Variants in KIAA1328 observed in about 807,000 individuals in gnomAD.
KIAA1328 encodes protein hinderin.
In KIAA1328, 52 loss-of-function variants were observed where a neutral mutation model predicts 68.1. The ratio of observed to expected loss-of-function variants is 0.76; its 90% CI spans 0.61 to 0.96. The LOEUF (loss-of-function observed/expected upper bound fraction) is 0.96. Ranked by LOEUF, KIAA1328 falls within the 40% of genes least tolerant of loss-of-function variation. KIAA1328 has a pLI of 0.00. For missense variants in KIAA1328, 641 were observed against 677.6 expected (o/e 0.95, Z 0.60); for synonymous variants, 232 against 239.4 (o/e 0.97, Z 0.28).
chr18:36,985,913 TATATAC>T (rs1317981183), intron 6 of KIAA1328, among the ~76,000 whole-genome samples: 2 of 152,160 alleles, frequency 1.3e-5, no homozygotes, highest in Non-Finnish European at 2.9e-5. Context: ...AAACCACAAT[TATATAC>T]TATTACATAG....
chr18:36,940,207 G>A (rs949993287), intron 5 of KIAA1328, among the ~76,000 whole-genome samples: 3 of 152,186 alleles, frequency 2.0e-5, no homozygotes, highest in Non-Finnish European at 4.4e-5. Context: ...TAGTGGTTTA[G>A]ACAGTGCTTG....
At chr18:36,829,225 C>G (rs1245101489) in intron 1 of KIAA1328, 29 bp downstream of exon 1, 1 of 1,495,636 alleles carries the variant, frequency 6.7e-7, no homozygotes, top group Admixed American at 2.2e-5. Flanking sequence ...ACAGGGGGCG[C>G]CGGCGCCCTC....
intron 7 of KIAA1328, among the ~76,000 whole-genome samples, chr18:37,099,904 C>CT (rs1568404115): frequency 6.6e-6 from 1 of 152,068 alleles, no homozygotes; most frequent in South Asian, 2.1e-4. Context: ...CAACCCCTGC[C>CT]TTTTTTTGTT....
chr18:36,997,917 TG>T (rs2053452528), intron 6 of KIAA1328, among the ~76,000 whole-genome samples: 1 of 152,136 alleles, frequency 6.6e-6, no homozygotes, highest in African/African-American at 2.4e-5. Flanking sequence ...CAACCAGGAC[TG>T]GGGTATGAGA....
intron 3 of KIAA1328, among the ~76,000 whole-genome samples, chr18:36,839,603 C>T (rs2046792476): frequency 6.6e-6 from 1 of 152,086 alleles, no homozygotes; most frequent in African/African-American, 2.4e-5. Flanking sequence ...GCTTCTTTGC[C>T]TGCTTGGTTG....
At chr18:37,104,976 G>A (rs930342277) in intron 7 of KIAA1328, among the ~76,000 whole-genome samples, 2 of 151,966 alleles carry the variant, frequency 1.3e-5, no homozygotes, top group Admixed American at 1.3e-4. Context: ...ACTCTTTTCC[G>A]GTTATCTCCC....
chr18:37,215,647 A>G (rs564608445), intron 9 of KIAA1328, among the ~76,000 whole-genome samples: 69 of 152,276 alleles, frequency 4.5e-4, no homozygotes, highest in African/African-American at 1.6e-3. Flanking sequence ...TGGTATCAGG[A>G]TGATGCTGGC....
intron 5 of KIAA1328, among the ~76,000 whole-genome samples, chr18:36,891,469 C>T (rs906125428): frequency 2.0e-5 from 3 of 152,142 alleles, no homozygotes; most frequent in African/African-American, 7.2e-5. Flanking sequence ...ACTCTTCCCC[C>T]CTCTGCTGAG....
At chr18:37,131,039 A>G (rs2058509846) in intron 7 of KIAA1328, among the ~76,000 whole-genome samples, 1 of 152,222 alleles carries the variant, frequency 6.6e-6, no homozygotes, top group African/African-American at 2.4e-5. Flanking sequence ...TCTTTAAAAT[A>G]ATAGATTAAA....
At chr18:36,952,882 C>T (rs182232125) in intron 5 of KIAA1328, among the ~76,000 whole-genome samples, 64 of 152,004 alleles carry the variant, frequency 4.2e-4, no homozygotes, top group African/African-American at 1.5e-3. Flanking sequence ...GGAGGCTGAC[C>T]TGATGCTCAA....
At position 36,959,202 on chromosome 18, in the gene KIAA1328, G is replaced by A. The variant is rs4603640; in HGVS notation, c.449-106G>A. On this transcript the variant is annotated intron_variant, in intron 5 of 9. Transcript: ENST00000280020. ...TATACTTATGACTCTCGCCAAATAT[G>A]ATTGCATTTCTGGTTCTGTTTTGTT... 5.0e-3 allele frequency: 5,278 copies of A among 1,057,564 alleles called. 190 individuals are homozygous for A. In the African/African-American group the frequency reaches 0.08, roughly 16 times the overall value. 65.5% of individuals were successfully genotyped at this position (1,057,564 alleles called of 1,614,324 possible).
chr18:37,154,053 C>T (rs1030809846), intron 7 of KIAA1328, among the ~76,000 whole-genome samples: 2 of 152,080 alleles, frequency 1.3e-5, no homozygotes, highest in Non-Finnish European at 2.9e-5. Context: ...CTAGGAAATG[C>T]ACTCTTTTCA....
intron 4 of KIAA1328, among the ~76,000 whole-genome samples, chr18:36,867,022 A>G (rs1428551150): frequency 2.0e-5 from 3 of 152,198 alleles, no homozygotes; most frequent in Non-Finnish European, 4.4e-5. Flanking sequence ...TCAGCTCTCA[A>G]CACAACATAT....
intron 5 of KIAA1328, among the ~76,000 whole-genome samples, chr18:36,924,383 A>T (rs981886837): frequency 5.3e-5 from 8 of 152,078 alleles, no homozygotes; most frequent in Non-Finnish European, 1.2e-4. Flanking sequence ...ATAAGGAAGG[A>T]GACATTTGAA....
chr18:37,132,381 CCT>C (rs2058544012), intron 7 of KIAA1328, among the ~76,000 whole-genome samples: 1 of 152,200 alleles, frequency 6.6e-6, no homozygotes, highest in African/African-American at 2.4e-5. Flanking sequence ...GACAAGGAAT[CCT>C]CTTGCTGGTT....
intron 6 of KIAA1328, among the ~76,000 whole-genome samples, chr18:36,977,626 G>A (rs1318181367): frequency 1.3e-5 from 2 of 151,724 alleles, no homozygotes; most frequent in East Asian, 3.9e-4. Flanking sequence ...CCACCCTAAC[G>A]TCATTTTTTT....
chr18:37,182,776 G>A (rs2059722206), intron 9 of KIAA1328, among the ~76,000 whole-genome samples: 1 of 152,130 alleles, frequency 6.6e-6, no homozygotes, highest in South Asian at 2.1e-4. Context: ...GTGAAAATAT[G>A]AATATTAATA....
chr18:36,989,969 A>G (rs1012430885), intron 6 of KIAA1328, among the ~76,000 whole-genome samples: 1 of 152,182 alleles, frequency 6.6e-6, no homozygotes, highest in Non-Finnish European at 1.5e-5. Context: ...CTGGGAGTAC[A>G]GGTGTGAGCC....
intron 5 of KIAA1328, among the ~76,000 whole-genome samples, chr18:36,907,432 T>C (rs1034620237): frequency 3.3e-5 from 5 of 152,148 alleles, no homozygotes; most frequent in Non-Finnish European, 4.4e-5. Context: ...AAGTTTAACA[T>C]AGATACCTTT....
Sources: allele counts gnomAD v4.1 joint callset (sites outside exome capture counted in the v4.1 genomes callset), GRCh38; gene constraint gnomAD v4.1.1; transcripts MANE v1.5; gene names NCBI Gene and HGNC (gene_info 2026-07-23, HGNC 2026-07-21).